Variants in SORBS2 observed in about 807,000 individuals in gnomAD.
SORBS2 encodes sorbin and SH3 domain containing 2, also known as sorbin and SH3 domain-containing protein 2.
SORBS2 carries 46 observed loss-of-function variants against 97.7 expected under a neutral mutation model. The observed-to-expected ratio is 0.47, with a 90% CI of 0.37 to 0.60. The LOEUF (loss-of-function observed/expected upper bound fraction) is 0.60. Among genes scored for constraint, SORBS2 ranks in the 20% least tolerant of loss-of-function variants. SORBS2 has a pLI of 0.00. For missense variants in SORBS2, 1,316 were observed against 1,282.3 expected (o/e 1.03, Z -0.40); for synonymous variants, 476 against 473.4 (o/e 1.01, Z -0.07).
exon 15 of SORBS2, chr4:185,587,620 G>A (rs1282313596): frequency 1.2e-6 from 2 of 1,612,572 alleles, no homozygotes; most frequent in African/African-American, 1.3e-5. Context: ...GAAGGAGGGA[G>A]CGCAATTCAC....
intron 1 of SORBS2, among the ~76,000 whole-genome samples, chr4:185,921,723 G>C (rs1294103938): frequency 1.3e-5 from 2 of 152,292 alleles, no homozygotes; most frequent in East Asian, 1.9e-4. Context: ...CCTATCAGCC[G>C]ACCACAACGC....
chr4:185,599,953 G>T (rs1261626772), intron 12 of SORBS2, among the ~76,000 whole-genome samples: 1 of 152,204 alleles, frequency 6.6e-6, no homozygotes, highest in Non-Finnish European at 1.5e-5. Flanking sequence ...CCTACCCTGT[G>T]GGAACCGCTG....
intron 2 of SORBS2, among the ~76,000 whole-genome samples, chr4:185,650,202 A>G (rs1248961259): frequency 6.6e-6 from 1 of 152,232 alleles, no homozygotes; most frequent in Non-Finnish European, 1.5e-5. Context: ...GGAAAATCAG[A>G]CACAAATAGA....
chr4:185,932,749 C>T (rs2099267099), intron 1 of SORBS2, among the ~76,000 whole-genome samples: 1 of 152,176 alleles, frequency 6.6e-6, no homozygotes, highest in South Asian at 2.1e-4. Context: ...GGCTCGGTTG[C>T]CCTGGCCACA....
At chr4:185,738,853 T>G (rs1037094099) in intron 2 of SORBS2, among the ~76,000 whole-genome samples, 2 of 152,204 alleles carry the variant, frequency 1.3e-5, no homozygotes, top group African/African-American at 4.8e-5. Flanking sequence ...CTCCACATAC[T>G]GTTTCCTTTT....
chr4:185,814,653 C>T (rs2099192187), intron 1 of SORBS2, among the ~76,000 whole-genome samples: 2 of 152,206 alleles, frequency 1.3e-5, no homozygotes, highest in South Asian at 4.1e-4. Context: ...TCCCCTATAC[C>T]TCCAATTCCT....
intron 1 of SORBS2, among the ~76,000 whole-genome samples, chr4:185,837,139 ATT>A (rs1181751978): frequency 6.6e-6 from 1 of 152,202 alleles, no homozygotes; most frequent in East Asian, 1.9e-4. Flanking sequence ...CAGAAACAAA[ATT>A]ACATAAATCT....
At chr4:185,941,124 T>C (rs1453100492) in intron 1 of SORBS2, among the ~76,000 whole-genome samples, 1 of 152,212 alleles carries the variant, frequency 6.6e-6, no homozygotes, top group Non-Finnish European at 1.5e-5. Flanking sequence ...ATCATCATAA[T>C]AATAATTAAC....
At chr4:185,609,441 A>G (rs2096495477) in intron 12 of SORBS2, among the ~76,000 whole-genome samples, 1 of 152,226 alleles carries the variant, frequency 6.6e-6, no homozygotes, top group Non-Finnish European at 1.5e-5. Flanking sequence ...TGATGCTGCG[A>G]CTACGCTGTG....
rs1216662349 is a variant in SORBS2, at chr4:185,887,958, ATATGTGTG to A, written c.-338+68230_-338+68237del. On this transcript the variant is annotated intron_variant, in intron 1 of 20. Transcript: ENST00000284776. ...TCATGGATTCTCACATAGTATATAT[ATATGTGTG>A]TGTGTGTGTGTGTGTGTGTGTGTGT... Among the ~76,000 whole-genome samples, 369 of 149,142 alleles carry A rather than the reference ATATGTGTG, an allele frequency of 2.5e-3. 2 individuals are homozygous for A. The highest frequency in any genetic ancestry group is 0.017 in the Middle Eastern group (5 of 290).
chr4:185,839,470 G>T (rs967808801), intron 1 of SORBS2, among the ~76,000 whole-genome samples: 13 of 152,136 alleles, frequency 8.5e-5, no homozygotes, highest in African/African-American at 3.1e-4. Flanking sequence ...GGGCTGCAAG[G>T]GATCTTTTCT....
chr4:185,943,741 TAG>T (rs1402926571), intron 1 of SORBS2, among the ~76,000 whole-genome samples: 4 of 152,206 alleles, frequency 2.6e-5, no homozygotes, highest in African/African-American at 9.6e-5. Context: ...AAATGGACGT[TAG>T]GTTATATTAG....
At chr4:185,938,384 A>G (rs2099270075) in intron 1 of SORBS2, among the ~76,000 whole-genome samples, 2 of 109,580 alleles carry the variant, frequency 1.8e-5, no homozygotes, top group African/African-American at 8.2e-5. Flanking sequence ...AAAAATGTAG[A>G]CACATACACA....
chr4:185,886,412 G>A (rs890942550), intron 1 of SORBS2, among the ~76,000 whole-genome samples: 5 of 151,798 alleles, frequency 3.3e-5, no homozygotes, highest in South Asian at 2.1e-4. Flanking sequence ...AAAATTAGCC[G>A]GGCATGGTGG....
chr4:185,821,210 G>A (rs541679869), intron 1 of SORBS2, among the ~76,000 whole-genome samples: 1 of 152,282 alleles, frequency 6.6e-6, no homozygotes, highest in Admixed American at 6.5e-5. Flanking sequence ...AGAGGAGTTC[G>A]CCTGCCTGGG....
chr4:185,908,975 T>C (rs1003652305), intron 1 of SORBS2, among the ~76,000 whole-genome samples: 1 of 151,818 alleles, frequency 6.6e-6, no homozygotes, highest in African/African-American at 2.4e-5. Flanking sequence ...ATCCCACTAC[T>C]GGGTTTCTAC....
chr4:185,684,653 C>T lies in SORBS2; in HGVS notation c.-197-5831G>A. The T allele has an allele frequency of 1.2e-6, 1 of 854,858 alleles. No homozygotes were observed. Among genetic ancestry groups the T allele is most frequent in the South Asian group, 1.7e-5 (1 of 57,186 alleles). The allele number at this position is 854,858 out of a possible 1,614,324, so 53.0% of individuals were successfully genotyped here. ...AATTACACATTTAAAATGTTTCCTA[C>T]AAGATCTCATTTTCCTTTGCTTTTT... is the stretch of plus-strand genomic sequence containing the variant. On this transcript the variant is annotated intron_variant, in intron 2 of 20. Transcript: ENST00000284776. The surrounding 1 kb of genome is among the most constrained non-coding windows in gnomAD (Gnocchi z 4.2).
exon 5 of SORBS2, chr4:185,630,579 G>A (rs1192444545): frequency 6.2e-7 from 1 of 1,600,936 alleles, no homozygotes; most frequent in Non-Finnish European, 8.5e-7. Context: ...TCTGTCTATA[G>A]AGGACTGATA....
At chr4:185,867,187 T>G (rs2099227364) in intron 1 of SORBS2, among the ~76,000 whole-genome samples, 1 of 152,056 alleles carries the variant, frequency 6.6e-6, no homozygotes. Flanking sequence ...AATTTTTGTA[T>G]TTTTAGTAGA....
Sources: gnomAD v4.1 joint callset for allele counts (sites outside exome capture counted in the v4.1 genomes callset) on GRCh38, gnomAD v4.1.1 for gene constraint, Gnocchi (gnomAD v3.1) non-coding constraint, MANE v1.5 for transcripts, NCBI Gene and HGNC (gene_info 2026-07-23, HGNC 2026-07-21) for gene names.